The following PAX5 variants were observed in gnomAD, a reference collection of about 807,000 sequenced individuals.
The protein encoded by PAX5 is paired box protein Pax-5.
A neutral mutation model predicts 43.7 loss-of-function variants in PAX5; 9 were observed. That is an observed-to-expected ratio of 0.21 (90% CI 0.12 to 0.36). The LOEUF is 0.36. Ranked by LOEUF, PAX5 falls within the 10% of genes least tolerant of loss-of-function variation. The probability of loss-of-function intolerance (pLI) is 1.00; values close to 1 mark genes in which losing one functional copy is unlikely to be tolerated. For synonymous variants in PAX5, 228 were observed against 214.3 expected, an observed-to-expected ratio of 1.06 and a Z score of -0.56; for missense variants, 383 against 532.7, an observed-to-expected ratio of 0.72 and a Z score of 2.77.
Position 37,009,578 on chromosome 9 carries a change from C to CA in PAX5, c.411-3042dup, listed in dbSNP as rs538324526. ...GGGGAGTAAAGATGCTCAATGGGTGCAAAAAAATAGAAAGAATGAATAAGA... is the reference window on the plus strand; with the variant it reads ...GGGGAGTAAAGATGCTCAATGGGTGCAAAAAAAATAGAAAGAATGAATAAGA... On this transcript the variant is annotated intron_variant, in intron 3 of 9. Coordinates refer to ENST00000358127, the MANE Select transcript of PAX5 (RefSeq NM_016734.3). 1.7e-3 allele frequency among the ~76,000 whole-genome samples: 252 copies of CA among 151,610 alleles called. 2 individuals carry two copies. Among genetic ancestry groups the CA allele is most frequent in the African/African-American group, 5.7e-3 (235 of 41,330 alleles).
intron 5 of PAX5, among the ~76,000 whole-genome samples, chr9:36,986,409 A>G (rs1309778925): frequency 6.6e-6 from 1 of 151,068 alleles, no homozygotes; most frequent in African/African-American, 2.4e-5. Context: ...TTATCTCGGA[A>G]CGTCAATTGA....
At chr9:36,851,518 G>C (rs1823161353) in intron 8 of PAX5, among the ~76,000 whole-genome samples, 1 of 152,226 alleles carries the variant, frequency 6.6e-6, no homozygotes, top group South Asian at 2.1e-4. Flanking sequence ...CGAGAAGCCT[G>C]AGCCTGAGGT....
At chr9:36,917,384 C>T (rs1829808530) in intron 7 of PAX5, among the ~76,000 whole-genome samples, 1 of 152,214 alleles carries the variant, frequency 6.6e-6, no homozygotes, top group Admixed American at 6.5e-5. Context: ...TAAGGGGCAG[C>T]AGCTACTGCT....
chr9:36,895,213 G>C (rs1827751980), intron 7 of PAX5, among the ~76,000 whole-genome samples: 1 of 152,268 alleles, frequency 6.6e-6, no homozygotes, highest in Non-Finnish European at 1.5e-5. Flanking sequence ...GTGCACAAAG[G>C]TGGAGGCCTC....
intron 7 of PAX5, among the ~76,000 whole-genome samples, chr9:36,895,783 T>G (rs997587648): frequency 2.0e-5 from 3 of 152,238 alleles, no homozygotes; most frequent in African/African-American, 7.2e-5. Flanking sequence ...CCTAGCAGTC[T>G]GTGCTCTTAA....
intron 5 of PAX5, 90 bp from the exon 6 acceptor site, chr9:36,966,814 C>T (rs1324507995): frequency 8.7e-7 from 1 of 1,151,394 alleles, no homozygotes; most frequent in Non-Finnish European, 1.3e-6. Flanking sequence ...TGAAGAGGAC[C>T]TGACCCCAAC....
chr9:36,873,427 A>C (rs558818215), intron 8 of PAX5, among the ~76,000 whole-genome samples: 2 of 152,304 alleles, frequency 1.3e-5, no homozygotes, highest in East Asian at 3.9e-4. Context: ...CCCCAGGGTC[A>C]AGTCTGTGTT....
In PAX5 at chr9:36,834,417, AGTGTGTGT is replaced by A. The variant is rs56175234; in HGVS notation, c.*6135_*6142del. ...TGTCTGAGGTGTAGGGGAGTGAGTG[AGTGTGTGT>A]GTGTGTGTGTGTGTGTGTGTGTGTG... On this transcript the variant is annotated 3_prime_UTR_variant, in exon 10 of 10. Coordinates refer to ENST00000358127, the MANE Select transcript of PAX5 (RefSeq NM_016734.3). 3,175 of 224,004 alleles carry A rather than the reference AGTGTGTGT, an allele frequency of 0.014. 87 individuals are homozygous for A. The highest frequency in any genetic ancestry group is 0.066 in the African/African-American group (2,849 of 43,460). The allele number at this position is 224,004 out of a possible 1,614,324, so 13.9% of individuals were successfully genotyped here.
chr9:36,979,086 G>A (rs941213979), intron 5 of PAX5, among the ~76,000 whole-genome samples: 7 of 152,144 alleles, frequency 4.6e-5, no homozygotes, highest in African/African-American at 9.7e-5. Context: ...ATCATGTTTC[G>A]GTGATAGTAC....
At position 36,838,930 on chromosome 9, in the gene PAX5, T is replaced by G. The variant is rs115265210; in HGVS notation, c.*1630A>C. ...GCCTGCTGATCCCAAGTCCAGTCTC[T>G]CTCTGCCCTGGCTCTCTGCCATCCT... is the stretch of plus-strand genomic sequence containing the variant. On this transcript the variant is annotated 3_prime_UTR_variant, in exon 10 of 10. Coordinates refer to ENST00000358127, the MANE Select transcript of PAX5 (RefSeq NM_016734.3). 9.0e-4 allele frequency: 210 copies of G among 233,388 alleles called. 1 individual carries two copies. Among genetic ancestry groups the G allele is most frequent in the African/African-American group, 4.2e-3 (189 of 45,456 alleles). The allele number at this position is 233,388 out of a possible 1,614,324, so 14.5% of individuals were successfully genotyped here.
At chr9:36,855,114 C>T (rs1305593784) in intron 8 of PAX5, among the ~76,000 whole-genome samples, 1 of 152,248 alleles carries the variant, frequency 6.6e-6, no homozygotes, top group Non-Finnish European at 1.5e-5. Flanking sequence ...TCAGTGGAAA[C>T]AAACTCCACT....
chr9:36,920,270 A>G lies in PAX5; in HGVS notation c.910+3085T>C, dbSNP rs534975191. On this transcript the variant is annotated intron_variant, in intron 7 of 9. Transcript: ENST00000358127. ...TGACTCCAATTTTGAAAGAAATTCT[A>G]TGGTGGATAAAATGCTATCAAACAG... Among the ~76,000 whole-genome samples the G allele has an allele frequency of 4.6e-5, 7 of 152,360 alleles. No homozygotes were observed. In the South Asian group the frequency reaches 1.5e-3, roughly 32 times the overall value.
intron 7 of PAX5, among the ~76,000 whole-genome samples, chr9:36,889,137 G>T (rs1184599052): frequency 6.6e-6 from 1 of 151,790 alleles, no homozygotes; most frequent in Non-Finnish European, 1.5e-5. Flanking sequence ...CCTGAACCTG[G>T]GCCCCCTTGG....
chr9:36,849,421 C>G (rs767014503), intron 8 of PAX5, among the ~76,000 whole-genome samples: 1 of 152,244 alleles, frequency 6.6e-6, no homozygotes, highest in Non-Finnish European at 1.5e-5. Context: ...AGGATGTAAG[C>G]TCCATGGGGG....
intron 6 of PAX5, among the ~76,000 whole-genome samples, chr9:36,941,614 C>G (rs1273861763): frequency 6.6e-6 from 1 of 152,196 alleles, no homozygotes; most frequent in Admixed American, 6.5e-5. Flanking sequence ...CAGGTAGGCA[C>G]TGGGGAGGAT....
At chr9:37,026,910 G>A (rs1298495566) in intron 1 of PAX5, among the ~76,000 whole-genome samples, 1 of 152,200 alleles carries the variant, frequency 6.6e-6, no homozygotes, top group Non-Finnish European at 1.5e-5. Flanking sequence ...ATAGCGTAGG[G>A]GCCCGCCTCC....
In PAX5 at chr9:36,980,389, C is replaced by A. The variant is rs565120331; in HGVS notation, c.605-13665G>T. On this transcript the variant is annotated intron_variant, in intron 5 of 9. Transcript: ENST00000358127. ...ATAAAGCAGGTGCCTCTGGGGGGAG[C>A]CATTGCCGAAGCCAGAGACAGGGCT... Among the ~76,000 whole-genome samples the A allele has an allele frequency of 1.7e-3, 252 of 152,296 alleles. 1 individual carries two copies. The highest frequency in any genetic ancestry group is 5.8e-3 in the African/African-American group (241 of 41,554).
intron 1 of PAX5, among the ~76,000 whole-genome samples, chr9:37,026,316 C>G (rs531584253): frequency 2.6e-5 from 4 of 152,350 alleles, no homozygotes; most frequent in South Asian, 2.1e-4. Context: ...GCTGCCCAAG[C>G]TACGCGTTGC....
At chr9:36,886,908 C>G (rs1485409171) in intron 7 of PAX5, among the ~76,000 whole-genome samples, 1 of 152,136 alleles carries the variant, frequency 6.6e-6, no homozygotes, top group Non-Finnish European at 1.5e-5. Context: ...AGCAAGGAGT[C>G]CAGGCAGAAC....
Sources: gnomAD v4.1 joint callset for allele counts (sites outside exome capture counted in the v4.1 genomes callset) on GRCh38, gnomAD v4.1.1 for gene constraint, MANE v1.5 for transcripts, NCBI Gene and HGNC (gene_info 2026-07-23, HGNC 2026-07-21) for gene names.